TANC2: variants seen among roughly 807,000 people sequenced by gnomAD.
TANC2 encodes the protein tetratricopeptide repeat, ankyrin repeat and coiled-coil containing 2, also known as protein TANC2.
A neutral mutation model predicts 210.5 loss-of-function variants in TANC2; 26 were observed. That is an observed-to-expected ratio of 0.12 (90% CI 0.09 to 0.17). The LOEUF (loss-of-function observed/expected upper bound fraction) is 0.17, where lower values mean the gene tolerates loss of function less well. TANC2 is among the 10% of genes least tolerant of loss of function. TANC2 has a pLI of 1.00. For missense variants in TANC2, 2,129 were observed against 2,608.9 expected (o/e 0.82, Z 4.01); for synonymous variants, 931 against 967.1 (o/e 0.96, Z 0.69).
intron 5 of TANC2, among the ~76,000 whole-genome samples, chr17:63,169,363 T>C (rs1245467921): frequency 1.3e-5 from 2 of 152,206 alleles, no homozygotes; most frequent in Non-Finnish European, 2.9e-5. Flanking sequence ...GCTAGGATGA[T>C]GATTTTTTCT....
chr17:63,205,239 G>A (rs1032646895), intron 7 of TANC2, among the ~76,000 whole-genome samples: 5 of 148,222 alleles, frequency 3.4e-5, no homozygotes, highest in Non-Finnish European at 7.4e-5. Flanking sequence ...GCAAAAGAAT[G>A]AAGTTGGTCA....
At chr17:63,321,128 G>A (rs987876703) in intron 11 of TANC2, among the ~76,000 whole-genome samples, 2 of 152,016 alleles carry the variant, frequency 1.3e-5, no homozygotes, top group African/African-American at 4.8e-5. Flanking sequence ...AACCCAGGAG[G>A]TGGAGGTTGC....
At chr17:63,361,983 G>A (rs146339784) in intron 14 of TANC2, among the ~76,000 whole-genome samples, 4 of 152,210 alleles carry the variant, frequency 2.6e-5, no homozygotes, top group African/African-American at 9.7e-5. Context: ...ACCCTCAGCA[G>A]AGAGGAGACC....
intron 2 of TANC2, among the ~76,000 whole-genome samples, chr17:63,044,755 C>T (rs1272779093): frequency 6.6e-6 from 1 of 152,010 alleles, no homozygotes; most frequent in Non-Finnish European, 1.5e-5. Context: ...CAGATTTCTT[C>T]CTTTTTCTCA....
intron 1 of TANC2, among the ~76,000 whole-genome samples, chr17:62,984,396 T>G (rs2032463149): frequency 6.6e-6 from 1 of 152,064 alleles, no homozygotes; most frequent in Non-Finnish European, 1.5e-5. Flanking sequence ...ATTTTGTTTC[T>G]GTTTTCAAAA....
chr17:63,099,160 A>G lies in TANC2; in HGVS notation c.140-15A>G. Reference sequence around the variant, plus strand: ...CTTTTCTCACCAGCTCTTTTGTTCCATCCCCTTCTAACAGGTGGCATCTCC... The same window carrying G: ...CTTTTCTCACCAGCTCTTTTGTTCCGTCCCCTTCTAACAGGTGGCATCTCC... On this transcript the variant is annotated splice_polypyrimidine_tract_variant and intron_variant, in intron 3 of 27. Coordinates refer to ENST00000689528, the Ensembl canonical transcript of TANC2. 6.2e-7 allele frequency: 1 copy of G among 1,609,506 alleles called. No homozygotes were observed. Among genetic ancestry groups the G allele is most frequent in the Non-Finnish European group, 8.5e-7 (1 of 1,177,768 alleles).
At chr17:63,043,295 G>A (rs1313580855) in intron 2 of TANC2, among the ~76,000 whole-genome samples, 1 of 152,006 alleles carries the variant, frequency 6.6e-6, no homozygotes, top group African/African-American at 2.4e-5. Context: ...CACTTAATGG[G>A]TTCTCAGTAA....
At chr17:63,379,912 C>G in intron 15 of TANC2, 86 bp downstream of exon 15, 1 of 1,173,598 alleles carries the variant, frequency 8.5e-7, no homozygotes, top group Non-Finnish European at 1.2e-6. Flanking sequence ...AGTGTAGTCC[C>G]TGCCTTCTGA....
At chr17:63,164,423 C>T (rs976070921) in intron 5 of TANC2, among the ~76,000 whole-genome samples, 2 of 152,002 alleles carry the variant, frequency 1.3e-5, no homozygotes, top group South Asian at 4.1e-4. Flanking sequence ...AAACACATCA[C>T]AGTAAATACA....
intron 9 of TANC2, among the ~76,000 whole-genome samples, chr17:63,297,877 C>T (rs1314624847): frequency 5.9e-5 from 9 of 151,696 alleles, no homozygotes; most frequent in Non-Finnish European, 1.3e-4. Context: ...AAAAAGACAA[C>T]CCAATTTAAA....
chr17:63,133,682 C>A (rs2038997605), intron 4 of TANC2, among the ~76,000 whole-genome samples: 1 of 152,048 alleles, frequency 6.6e-6, no homozygotes, highest in South Asian at 2.1e-4. Flanking sequence ...TGTAATTTTA[C>A]CTAGTCAGCA....
intron 4 of TANC2, chr17:63,130,937 A>G (rs554796963): frequency 1.3e-5 from 2 of 152,228 alleles, no homozygotes; most frequent in African/African-American, 4.8e-5. Context: ...AAAACAAAGC[A>G]CATTAACTTT....
chr17:63,201,016 C>T (rs1047420308), intron 7 of TANC2, 59 bp downstream of exon 7: 1 of 1,467,376 alleles, frequency 6.8e-7, no homozygotes, highest in Non-Finnish European at 9.2e-7. Context: ...AAAATAATTA[C>T]ACAAGCTTAA....
chr17:63,285,093 C>G (rs1436869362), intron 9 of TANC2, among the ~76,000 whole-genome samples: 1 of 152,056 alleles, frequency 6.6e-6, no homozygotes, highest in Non-Finnish European at 1.5e-5. Flanking sequence ...TTTGTCCATA[C>G]CTTTAATTTT....
At chr17:63,019,013 A>G (rs1399364634) in intron 2 of TANC2, among the ~76,000 whole-genome samples, 1 of 152,226 alleles carries the variant, frequency 6.6e-6, no homozygotes, top group Non-Finnish European at 1.5e-5. Flanking sequence ...ATATTAGTGT[A>G]CAGGGTTTTG....
intron 24 of TANC2, chr17:63,413,083 T>C (rs993530463): frequency 4.6e-5 from 11 of 238,996 alleles, no homozygotes; most frequent in Admixed American, 1.1e-4. Context: ...AGGGAAACTT[T>C]AGAGTTATCA....
chr17:63,046,974 G>C (rs962021969), intron 2 of TANC2, among the ~76,000 whole-genome samples: 5 of 152,142 alleles, frequency 3.3e-5, no homozygotes, highest in African/African-American at 1.2e-4. Flanking sequence ...GAGAGGGGGA[G>C]ATCTGATTTT....
chr17:63,396,876 A>G (rs1441446101), intron 18 of TANC2: 1 of 152,030 alleles, frequency 6.6e-6, no homozygotes, highest in Non-Finnish European at 1.5e-5. Flanking sequence ...CTACCAGGTG[A>G]TGGGAACTTT....
chr17:62,991,014 AT>A (rs2032831848), intron 1 of TANC2, among the ~76,000 whole-genome samples: 2 of 152,178 alleles, frequency 1.3e-5, no homozygotes, highest in African/African-American at 2.4e-5. Flanking sequence ...TTTCTGACAT[AT>A]TTGGTATATC....
Sources: allele counts gnomAD v4.1 joint callset (sites outside exome capture counted in the v4.1 genomes callset), GRCh38; gene constraint gnomAD v4.1.1; transcripts MANE v1.5; gene names NCBI Gene and HGNC (gene_info 2026-07-23, HGNC 2026-07-21).